Variants in NUFIP1 observed in about 807,000 individuals in gnomAD.
NUFIP1 encodes FMR1-interacting protein NUFIP1.
NUFIP1 carries 38 observed loss-of-function variants against 56.2 expected under a neutral mutation model. The ratio of observed to expected loss-of-function variants is 0.68; its 90% CI spans 0.52 to 0.89. The LOEUF is 0.89. NUFIP1 is among the 40% of genes least tolerant of loss of function. NUFIP1 has a pLI of 0.00. For missense variants in NUFIP1, 567 were observed against 605.8 expected (o/e 0.94, Z 0.67); for synonymous variants, 215 against 212.4 (o/e 1.01, Z -0.10).
intron 8 of NUFIP1, 22 bp downstream of exon 8, chr13:44,949,700 A>G (rs768724113): frequency 2.0e-6 from 3 of 1,485,578 alleles, no homozygotes; most frequent in South Asian, 1.2e-5. Flanking sequence ...AAAACCCTGT[A>G]ACAACACACA....
intron 5 of NUFIP1, among the ~76,000 whole-genome samples, chr13:44,978,259 C>G (rs1872057945): frequency 1.3e-5 from 2 of 152,194 alleles, no homozygotes; most frequent in South Asian, 4.1e-4. Flanking sequence ...CATCACCACC[C>G]ACGACAGTGG....
In NUFIP1 at chr13:44,985,639, A is replaced by T. The variant is rs549876560; in HGVS notation, c.412+3386T>A. On this transcript the variant is annotated intron_variant, in intron 1 of 9. Coordinates refer to ENST00000379161, the MANE Select transcript of NUFIP1 (RefSeq NM_012345.3). ...GTGATCAGTGATCTTTGATGCTACT[A>T]CTGTAATTGTTTTGAGACACCATGA... is the stretch of plus-strand genomic sequence containing the variant. 5.5e-3 allele frequency among the ~76,000 whole-genome samples: 833 copies of T among 152,198 alleles called. 5 individuals carry two copies. Among genetic ancestry groups the T allele is most frequent in the Non-Finnish European group, 8.8e-3 (600 of 68,008 alleles).
chr13:44,961,601 T>C (rs1470158983), intron 6 of NUFIP1, among the ~76,000 whole-genome samples: 1 of 152,188 alleles, frequency 6.6e-6, no homozygotes, highest in Non-Finnish European at 1.5e-5. Context: ...TTAATATATA[T>C]GTATAGTCCA....
At chr13:44,945,632 T>G (rs1870881141) in intron 8 of NUFIP1, among the ~76,000 whole-genome samples, 1 of 152,158 alleles carries the variant, frequency 6.6e-6, no homozygotes, top group African/African-American at 2.4e-5. Context: ...ACCAAGTAGA[T>G]TTTATCCTGG....
intron 8 of NUFIP1, 41 bp downstream of exon 8, chr13:44,949,681 C>T: frequency 7.6e-7 from 1 of 1,312,596 alleles, no homozygotes; most frequent in Non-Finnish European, 1.1e-6. Context: ...AGGCAAAAAG[C>T]AACAAAACAA....
At position 44,949,857 on chromosome 13, in the gene NUFIP1, A is replaced by G. The variant is rs764092214; in HGVS notation, c.1022-19T>C. ...TCAGACTCTGAAGGGAAAAGAAGTC[A>G]GATTCAAAACATCTACCACCATAAA... On this transcript the variant is annotated intron_variant, in intron 7 of 9. Coordinates refer to ENST00000379161, the MANE Select transcript of NUFIP1 (RefSeq NM_012345.3). The G allele has an allele frequency of 6.5e-7, 1 of 1,528,660 alleles. No homozygotes were observed. The highest frequency in any genetic ancestry group is 2.2e-5 in the East Asian group (1 of 44,468). The allele number at this position is 1,528,660 out of a possible 1,614,324, so 94.7% of individuals were successfully genotyped here.
intron 4 of NUFIP1, 121 bp from the exon 5 acceptor site, chr13:44,979,387 T>C (rs951504873): frequency 8.9e-6 from 6 of 673,240 alleles, no homozygotes; most frequent in Admixed American, 6.4e-5. Context: ...AGTAAGCAGG[T>C]TGTATCTATT....
At chr13:44,987,621 G>C (rs1872449273) in intron 1 of NUFIP1, among the ~76,000 whole-genome samples, 1 of 152,006 alleles carries the variant, frequency 6.6e-6, no homozygotes, top group South Asian at 2.1e-4. Context: ...TTACTGCAGT[G>C]GTCTGTAACT....
chr13:44,984,327 G>C (rs1872306270), intron 1 of NUFIP1, among the ~76,000 whole-genome samples: 1 of 152,120 alleles, frequency 6.6e-6, no homozygotes, highest in Non-Finnish European at 1.5e-5. Flanking sequence ...CGTATTTCCA[G>C]CATCTGCCAT....
chr13:44,988,919 A>G (rs1566067288), intron 1 of NUFIP1, 106 bp downstream of exon 1: 2 of 1,157,670 alleles, frequency 1.7e-6, no homozygotes, highest in Non-Finnish European at 2.5e-6. Context: ...ACCAGACTCC[A>G]AGAGTGCAGA....
chr13:44,950,881 T>G (rs574475201), intron 7 of NUFIP1, among the ~76,000 whole-genome samples: 1 of 152,058 alleles, frequency 6.6e-6, no homozygotes, highest in Non-Finnish European at 1.5e-5. Flanking sequence ...CTGAAGACAA[T>G]AAGTAATTTG....
chr13:44,975,980 G>C (rs1871959212), intron 5 of NUFIP1, among the ~76,000 whole-genome samples: 1 of 152,292 alleles, frequency 6.6e-6, no homozygotes, highest in Middle Eastern at 3.4e-3. Flanking sequence ...TAACTGTTTA[G>C]TTAGATAACT....
intron 1 of NUFIP1, among the ~76,000 whole-genome samples, chr13:44,985,897 A>C (rs1229534136): frequency 6.6e-6 from 1 of 152,240 alleles, no homozygotes; most frequent in Non-Finnish European, 1.5e-5. Flanking sequence ...TTAGTGAGGA[A>C]GACACGTTGA....
intron 8 of NUFIP1, among the ~76,000 whole-genome samples, chr13:44,948,288 C>T (rs1015275624): frequency 1.3e-5 from 2 of 151,852 alleles, no homozygotes; most frequent in African/African-American, 4.8e-5. Context: ...ACTACAGGCA[C>T]GTGCTGCCAT....
intron 5 of NUFIP1, among the ~76,000 whole-genome samples, chr13:44,974,061 TAC>T (rs1169441335): frequency 6.6e-6 from 1 of 152,240 alleles, no homozygotes; most frequent in Non-Finnish European, 1.5e-5. Flanking sequence ...AATTTTACAC[TAC>T]ACAGTCATCT....
In NUFIP1 at chr13:44,980,705, C is replaced by T. The variant is rs1872156464; in HGVS notation, c.594+17G>A. On this transcript the variant is annotated intron_variant, in intron 3 of 9. Transcript: ENST00000379161. ...CACAATTGCTACATCAGTTTCAGGA[C>T]AACTAAGAAAACCTACTTTTGTATG... The T allele has an allele frequency of 2.0e-6, 3 of 1,524,884 alleles. No homozygotes were observed. The highest frequency in any genetic ancestry group is 1.8e-6 in the Non-Finnish European group (2 of 1,114,590). 94.5% of individuals were successfully genotyped at this position (1,524,884 alleles called of 1,614,324 possible).
Position 44,947,315 on chromosome 13 carries a change from T to C in NUFIP1, c.1138+2407A>G, listed in dbSNP as rs368628731. Among the ~76,000 whole-genome samples the C allele has an allele frequency of 3.4e-4, 50 of 149,018 alleles. 1 individual carries two copies. In the East Asian group the frequency reaches 7.9e-3, roughly 24 times the overall value. ...GTGCAGTGGTGCGATCTTGGCTCACTGCAACCTCCACCTTCTGGGTTCAAG... is the reference window on the plus strand; with the variant it reads ...GTGCAGTGGTGCGATCTTGGCTCACCGCAACCTCCACCTTCTGGGTTCAAG... On this transcript the variant is annotated intron_variant, in intron 8 of 9. Coordinates refer to ENST00000379161, the MANE Select transcript of NUFIP1 (RefSeq NM_012345.3).
At chr13:44,941,576 GGA>G (rs1870738399) in intron 9 of NUFIP1, among the ~76,000 whole-genome samples, 1 of 152,040 alleles carries the variant, frequency 6.6e-6, no homozygotes, top group African/African-American at 2.4e-5. Flanking sequence ...TGCAGTGGCG[GGA>G]TCTCAGCTCA....
intron 7 of NUFIP1, among the ~76,000 whole-genome samples, chr13:44,955,876 G>C (rs1871216785): frequency 6.6e-6 from 1 of 151,826 alleles, no homozygotes; most frequent in African/African-American, 2.4e-5. Flanking sequence ...GGGCGCGGTG[G>C]CTCACGCCTG....
Sources: allele counts gnomAD v4.1 joint callset (sites outside exome capture counted in the v4.1 genomes callset), GRCh38; gene constraint gnomAD v4.1.1; transcripts MANE v1.5; gene names NCBI Gene and HGNC (gene_info 2026-07-23, HGNC 2026-07-21).